TTC34: variants seen among roughly 807,000 people sequenced by gnomAD.
The protein encoded by TTC34 is tetratricopeptide repeat domain 34.
Under a neutral mutation model 40.7 loss-of-function variants are expected in TTC34, and 44 were observed. The observed-to-expected ratio is 1.08, with a 90% CI of 0.85 to 1.39. The LOEUF (loss-of-function observed/expected upper bound fraction) is 1.39. Ranked by LOEUF, TTC34 falls within the 40% of genes most tolerant of loss-of-function variation. The pLI is 0.00. For synonymous variants in TTC34, 422 were observed against 398.6 expected (o/e 1.06, Z -0.70); for missense variants, 884 against 838.0 (o/e 1.05, Z -0.68).
Position 2,748,798 on chromosome 1 carries a change from C to A in TTC34, c.2226+34811G>T, listed in dbSNP as rs1158362053. On this transcript the variant is annotated intron_variant, in intron 6 of 8. Transcript: ENST00000401095. ...ATCCGGCAGCCTGGAGCGGAACCCA[C>A]ACCCACAGGCGAGCATCTGACAGCC... Among the ~76,000 whole-genome samples, 22 of 147,024 alleles carry A rather than the reference C, an allele frequency of 1.5e-4. 1 individual carries two copies. The highest frequency in any genetic ancestry group is 2.5e-4 in the Non-Finnish European group (17 of 67,402).
At position 2,645,587 on chromosome 1, in the gene TTC34, G is replaced by GA; in HGVS notation, c.2227-25_2227-24insT. ...TCCTGCAAGGAGGGAGGGCGGGCGG[G>GA]TGCAGAGTTGTCCTAAGTAGAGAAA... On this transcript the variant is annotated intron_variant, in intron 6 of 8. Coordinates refer to ENST00000401095, the Ensembl canonical transcript of TTC34. This position sits in a 1 kb window ranked among gnomAD's most constrained non-coding sequence, Gnocchi z 4.7. 1 of 229,534 alleles carries GA rather than the reference G, an allele frequency of 4.4e-6. No individual in the cohort carries two copies. The highest frequency in any genetic ancestry group is 3.8e-5 in the South Asian group (1 of 26,378). The allele number at this position is 229,534 out of a possible 1,614,324, so 14.2% of individuals were successfully genotyped here.
intron 6 of TTC34, among the ~76,000 whole-genome samples, chr1:2,655,981 G>A (rs1269788222): frequency 6.6e-6 from 1 of 151,932 alleles, no homozygotes; most frequent in African/African-American, 2.4e-5. Context: ...ACACCCCCAG[G>A]CGAGCATCTG....
exon 2 of TTC34, chr1:2,800,330 G>A (rs533728994): frequency 2.5e-6 from 1 of 398,590 alleles, no homozygotes; most frequent in East Asian, 3.6e-5. Context: ...CGGCGCTGGA[G>A]GCGAAGGCCT....
chr1:2,691,757 T>A (rs1640629694), intron 6 of TTC34, among the ~76,000 whole-genome samples: 1 of 95,124 alleles, frequency 1.1e-5, no homozygotes, highest in African/African-American at 3.6e-5. Context: ...CAGGCAAGCA[T>A]CTGAACGCAA....
chr1:2,750,990 T>C lies in TTC34; in HGVS notation c.2226+32619A>G, dbSNP rs1476764905. 6.0e-4 allele frequency among the ~76,000 whole-genome samples: 59 copies of C among 97,962 alleles called. 2 individuals are homozygous for C. The highest frequency in any genetic ancestry group is 2.2e-3 in the Admixed American group (20 of 8,944). The allele number at this position is 97,962 out of a possible 152,430, so 64.3% of individuals were successfully genotyped here. A position where few individuals can be genotyped will look rare whatever the true frequency, so the allele number is the denominator to read the frequency against. ...ACCCCCAGGTGCGCATGTGATGGTCTGGAGCAGCACCCACACCGACAGGTG... is the reference window on the plus strand; with the variant it reads ...ACCCCCAGGTGCGCATGTGATGGTCCGGAGCAGCACCCACACCGACAGGTG... On this transcript the variant is annotated intron_variant, in intron 6 of 8. Coordinates refer to ENST00000401095, the Ensembl canonical transcript of TTC34.
At chr1:2,783,727 A>G (rs754416137) in exon 6 of TTC34, 2 of 1,544,064 alleles carry the variant, frequency 1.3e-6, no homozygotes, top group South Asian at 2.4e-5. Context: ...CTGGCCCAGG[A>G]ACCCATAGCA....
Position 2,750,907 on chromosome 1 carries a change from G to A in TTC34, c.2226+32702C>T, listed in dbSNP as rs1247116465. On this transcript the variant is annotated intron_variant, in intron 6 of 8. Transcript: ENST00000401095. ...CAAACCCCCAGGCGAGCATCTGAAC[G>A]CACGGAGCAGCACCCACACCTTCAG... Among the ~76,000 whole-genome samples, 4 of 69,992 alleles carry A rather than the reference G, an allele frequency of 5.7e-5. 1 individual carries two copies. Among genetic ancestry groups the A allele is most frequent in the Admixed American group, 1.6e-4 (1 of 6,294 alleles). 45.9% of individuals were successfully genotyped at this position (69,992 alleles called of 152,430 possible).
At chr1:2,693,946 ACCCCCAGGGGAGCATCTGACAGCC>A in intron 6 of TTC34, among the ~76,000 whole-genome samples, 1 of 66,918 alleles carries the variant, frequency 1.5e-5, no homozygotes, top group Admixed American at 1.6e-4. Flanking sequence ...AGCACCCTGC[ACCCCCAGGGGAGCATCTGACAGCC>A]TGGAACAGCA....
intron 6 of TTC34, among the ~76,000 whole-genome samples, chr1:2,769,604 T>A (rs1435337088): frequency 1.6e-5 from 2 of 123,058 alleles, no homozygotes; most frequent in African/African-American, 6.6e-5. Flanking sequence ...AGGGGGAGCA[T>A]CTGACAGCCT....
At chr1:2,791,279 G>A (rs1388400938) in intron 2 of TTC34, among the ~76,000 whole-genome samples, 1 of 152,230 alleles carries the variant, frequency 6.6e-6, no homozygotes, top group African/African-American at 2.4e-5. Flanking sequence ...TGCTGGGCGG[G>A]CTTCAGGTCA....
At chr1:2,641,720 A>C in exon 9 of TTC34, 1 of 1,535,518 alleles carries the variant, frequency 6.5e-7, no homozygotes. Context: ...CTCCTGGAGC[A>C]CATGGTCCAG....
intron 6 of TTC34, among the ~76,000 whole-genome samples, chr1:2,684,168 A>G (rs1230889187): frequency 6.6e-6 from 1 of 152,130 alleles, no homozygotes; most frequent in Non-Finnish European, 1.5e-5. Flanking sequence ...ACAGGCGAGC[A>G]TCTGACAGCC....
intron 6 of TTC34, among the ~76,000 whole-genome samples, chr1:2,687,721 C>G: frequency 6.6e-6 from 1 of 151,380 alleles, no homozygotes; most frequent in Non-Finnish European, 1.5e-5. Context: ...GGAACAGCAC[C>G]CACACCCCCA....
intron 6 of TTC34, among the ~76,000 whole-genome samples, chr1:2,656,116 C>T (rs1557589699): frequency 1.3e-5 from 2 of 152,280 alleles, no homozygotes; most frequent in African/African-American, 4.8e-5. Flanking sequence ...CATCTGAGAG[C>T]CTGGAACAGA....
intron 6 of TTC34, among the ~76,000 whole-genome samples, chr1:2,778,122 G>GA (rs1643363650): frequency 6.6e-6 from 1 of 152,214 alleles, no homozygotes; most frequent in South Asian, 2.1e-4. Context: ...TGGTGCCCTG[G>GA]TCCAGCAGCC....
At chr1:2,760,491 G>T (rs1641659027) in intron 6 of TTC34, among the ~76,000 whole-genome samples, 1 of 53,550 alleles carries the variant, frequency 1.9e-5, no homozygotes, top group Non-Finnish European at 2.9e-5. Context: ...ACATCCGCAG[G>T]TGAGCATCTG....
chr1:2,688,186 C>A (rs1417927036), intron 6 of TTC34, among the ~76,000 whole-genome samples: 1 of 145,684 alleles, frequency 6.9e-6, no homozygotes, highest in Non-Finnish European at 1.5e-5. Context: ...GAGCATCGGA[C>A]AGCCTGGAGC....
chr1:2,642,035 C>T (rs1291841422), intron 8 of TTC34, 140 bp from the exon 9 acceptor site: 2 of 962,828 alleles, frequency 2.1e-6, no homozygotes, highest in East Asian at 2.8e-5. Context: ...TGCACAGGAG[C>T]TGCCCGCTGC....
chr1:2,751,690 C>T lies in TTC34; in HGVS notation c.2226+31919G>A, dbSNP rs1202802641. On this transcript the variant is annotated intron_variant, in intron 6 of 8. Coordinates refer to ENST00000401095, the Ensembl canonical transcript of TTC34. Reference sequence around the variant, plus strand: ...ACAGCCTGGATCAGCACCCACAACCCCAAGCGAGCATCCGACAGCCTGGAG... The same window carrying T: ...ACAGCCTGGATCAGCACCCACAACCTCAAGCGAGCATCCGACAGCCTGGAG... Among the ~76,000 whole-genome samples the T allele has an allele frequency of 2.1e-5, 3 of 145,616 alleles. 1 individual carries two copies. The highest frequency in any genetic ancestry group is 3.0e-5 in the Non-Finnish European group (2 of 66,904).
Sources: gnomAD v4.1 joint callset for allele counts (sites outside exome capture counted in the v4.1 genomes callset) on GRCh38, gnomAD v4.1.1 for gene constraint, Gnocchi (gnomAD v3.1) non-coding constraint, MANE v1.5 for transcripts, NCBI Gene and HGNC (gene_info 2026-07-23, HGNC 2026-07-21) for gene names.